Variants in ESYT2 observed in about 807,000 individuals in gnomAD.
ESYT2 encodes extended synaptotagmin 2.
Under a neutral mutation model 107.2 loss-of-function variants are expected in ESYT2, and 54 were observed. That is an observed-to-expected ratio of 0.50 (90% CI 0.40 to 0.63). The LOEUF (loss-of-function observed/expected upper bound fraction) is 0.63, where lower values mean the gene tolerates loss of function less well. Ranked by LOEUF, ESYT2 falls within the 30% of genes least tolerant of loss-of-function variation. The pLI is 0.00. For missense variants in ESYT2, 1,020 were observed against 1,094.5 expected (o/e 0.93, Z 0.96); for synonymous variants, 491 against 434.1 (o/e 1.13, Z -1.63).
chr7:158,786,626 G>T (rs1468584462), intron 6 of ESYT2, among the ~76,000 whole-genome samples: 2 of 152,136 alleles, frequency 1.3e-5, no homozygotes, highest in Non-Finnish European at 2.9e-5. Flanking sequence ...ATAACAGAAA[G>T]TGATGACACT....
At chr7:158,759,934 C>T (rs1056455966) in intron 12 of ESYT2, 124 bp downstream of exon 12, 5 of 825,440 alleles carry the variant, frequency 6.1e-6, no homozygotes, top group Non-Finnish European at 9.9e-6. Context: ...TGACTTATTA[C>T]ACAATAATGA....
At chr7:158,776,294 GT>G (rs1838561472) in intron 6 of ESYT2, among the ~76,000 whole-genome samples, 2 of 152,214 alleles carry the variant, frequency 1.3e-5, no homozygotes, top group South Asian at 4.1e-4. Flanking sequence ...TGACAAGACA[GT>G]TAGCTTGTCC....
At chr7:158,780,589 A>G (rs1408709905) in intron 6 of ESYT2, among the ~76,000 whole-genome samples, 1 of 152,282 alleles carries the variant, frequency 6.6e-6, no homozygotes, top group African/African-American at 2.4e-5. Context: ...GGAGTATTAA[A>G]AACACAAAAC....
intron 7 of ESYT2, among the ~76,000 whole-genome samples, chr7:158,770,110 C>G (rs1297503638): frequency 1.3e-5 from 2 of 151,898 alleles, no homozygotes; most frequent in African/African-American, 4.8e-5. Context: ...AGGTTGGTCT[C>G]AAACTCCCGA....
Position 158,764,749 on chromosome 7 carries a change from T to G in ESYT2, c.1029A>C (p.Arg343Ser). The G allele has an allele frequency of 1.2e-6, 2 of 1,614,202 alleles. No homozygotes were observed. The highest frequency in any genetic ancestry group is 1.7e-6 in the Non-Finnish European group (2 of 1,180,036). The part of the protein sequence containing the change: ...KGKSDPYGII[R>S]VGNQIFQSRV... ...TGCTTTGGAAGATTTGGTTGCCAAC[T>G]CTAATGATTCCATAGGGGTCTGACT... The change falls in exon 9 of 23, where the codon AGA becomes AGC. Residue 343 changes from arginine to serine, a missense_variant. By Grantham distance (110) the Arg-to-Ser change is moderately radical (BLOSUM62 -1). Transcript: ENST00000275418.
rs771985735 is a variant in ESYT2 at position 158,766,975 on chromosome 7, T to C, written c.924+679A>G. ...TTCTTGACTACTTTGCAGTTATTTA[T>C]TTAGTTTGCTCAAATGAAGGTGACA... On this transcript the variant is annotated intron_variant, in intron 8 of 22. Coordinates refer to ENST00000275418, the MANE Select transcript of ESYT2 (RefSeq NM_001367773.1). 1.1e-3 allele frequency among the ~76,000 whole-genome samples: 174 copies of C among 152,330 alleles called. 2 individuals carry two copies. Among genetic ancestry groups the C allele is most frequent in the Non-Finnish European group, 1.2e-3 (81 of 68,040 alleles).
Position 158,749,539 on chromosome 7 carries a change from G to A in ESYT2, c.1557+110C>T, listed in dbSNP as rs933063401. 166 of 936,382 alleles carry A rather than the reference G, an allele frequency of 1.8e-4. 4 individuals carry two copies. In the South Asian group the frequency reaches 2.2e-3, roughly 12 times the overall value. The allele number at this position is 936,382 out of a possible 1,614,324, so 58.0% of individuals were successfully genotyped here. A position where few individuals can be genotyped will look rare whatever the true frequency, so the allele number is the denominator to read the frequency against. ...GAAAAGCCCTGGTCTCGATGCCCAC[G>A]CTATCACACAACTGAATGTATTTGC... On this transcript the variant is annotated intron_variant, in intron 15 of 22. Coordinates refer to ENST00000275418, the MANE Select transcript of ESYT2 (RefSeq NM_001367773.1).
At chr7:158,763,289 T>A (rs1838038475) in intron 9 of ESYT2, 124 bp from the exon 10 acceptor site, 1 of 387,548 alleles carries the variant, frequency 2.6e-6, no homozygotes, top group Non-Finnish European at 4.3e-6. Flanking sequence ...CTTATTTATT[T>A]ATTTATTTAT....
intron 1 of ESYT2, among the ~76,000 whole-genome samples, chr7:158,822,064 A>AT (rs141382768): frequency 0.018 from 2,805 of 152,242 alleles, 76 homozygotes; most frequent in African/African-American, 0.064. Context: ...GATTTCTTAC[A>AT]CTTGTGTTGG....
At chr7:158,788,293 T>C in intron 5 of ESYT2, 52 bp downstream of exon 5, 1 of 1,519,884 alleles carries the variant, frequency 6.6e-7, no homozygotes, top group Non-Finnish European at 8.9e-7. Flanking sequence ...TGAATACAGC[T>C]TAGAGAACTT....
rs778370657 is a variant in ESYT2, at chr7:158,741,514, CTTAG to C, written c.2168+5_2168+8del. 2.7e-4 allele frequency: 421 copies of C among 1,560,238 alleles called. 3 individuals carry two copies. The highest frequency in any genetic ancestry group is 2.9e-4 in the Non-Finnish European group (342 of 1,160,746). ...GCTGGTGAGAAACAACATGGTGGCACTTAGTTACTTTTCCAGCTGCCTCAGCCTT... is the reference window on the plus strand; with the variant it reads ...GCTGGTGAGAAACAACATGGTGGCACTTACTTTTCCAGCTGCCTCAGCCTT... On this transcript the variant is annotated splice_donor_5th_base_variant and intron_variant, in intron 18 of 22. Coordinates refer to ENST00000275418, the MANE Select transcript of ESYT2 (RefSeq NM_001367773.1).
At chr7:158,816,133 C>T (rs1219316319) in intron 1 of ESYT2, among the ~76,000 whole-genome samples, 6 of 152,152 alleles carry the variant, frequency 3.9e-5, no homozygotes, top group Non-Finnish European at 5.9e-5. Flanking sequence ...TCCTTAAAAA[C>T]GGAGGAAGTC....
intron 7 of ESYT2, among the ~76,000 whole-genome samples, chr7:158,769,315 G>T (rs1019825565): frequency 5.3e-5 from 8 of 152,232 alleles, no homozygotes; most frequent in Admixed American, 6.5e-5. Flanking sequence ...TCAGCCAGCA[G>T]ACACTGGCTG....
chr7:158,778,841 G>A (rs1392435346), intron 6 of ESYT2, among the ~76,000 whole-genome samples: 1 of 151,540 alleles, frequency 6.6e-6, no homozygotes, highest in African/African-American at 2.4e-5. Flanking sequence ...TGACTGGCTG[G>A]CTTCACTTTT....
chr7:158,785,382 G>A (rs1366260610), intron 6 of ESYT2, among the ~76,000 whole-genome samples: 2 of 151,898 alleles, frequency 1.3e-5, no homozygotes, highest in Admixed American at 6.6e-5. Flanking sequence ...CCGAGATTGC[G>A]CCACTGCACT....
chr7:158,761,042 TG>T (rs1356029452), intron 11 of ESYT2, among the ~76,000 whole-genome samples: 2 of 152,224 alleles, frequency 1.3e-5, no homozygotes, highest in Admixed American at 6.5e-5. Flanking sequence ...AATAAAATGG[TG>T]GAAGTCGAGT....
chr7:158,765,096 C>G (rs1838106267), intron 8 of ESYT2, among the ~76,000 whole-genome samples: 2 of 152,146 alleles, frequency 1.3e-5, no homozygotes, highest in African/African-American at 4.8e-5. Context: ...CAGAGGAGAA[C>G]AGATGGGCTT....
chr7:158,739,408 G>A (rs1261717144), intron 18 of ESYT2, among the ~76,000 whole-genome samples: 2 of 152,102 alleles, frequency 1.3e-5, no homozygotes, highest in Admixed American at 6.5e-5. Context: ...GTGCAATGGC[G>A]CAATCTTGGC....
At chr7:158,772,844 A>G (rs1177059694) in intron 7 of ESYT2, among the ~76,000 whole-genome samples, 1 of 151,920 alleles carries the variant, frequency 6.6e-6, no homozygotes, top group Non-Finnish European at 1.5e-5. Context: ...GGCGAAGTCC[A>G]GAAGTCCACA....
Sources: gnomAD v4.1 joint callset for allele counts (sites outside exome capture counted in the v4.1 genomes callset) on GRCh38, gnomAD v4.1.1 for gene constraint, MANE v1.5 for transcripts, NCBI Gene and HGNC (gene_info 2026-07-23, HGNC 2026-07-21) for gene names.